The following CREM variants were observed in gnomAD, a reference collection of about 807,000 sequenced individuals.
CREM encodes cAMP-responsive element modulator.
In CREM, 13 loss-of-function variants were observed where a neutral mutation model predicts 37.3. The ratio of observed to expected loss-of-function variants is 0.35; its 90% CI spans 0.23 to 0.55. The LOEUF is 0.55. Ranked by LOEUF, CREM falls within the 20% of genes least tolerant of loss-of-function variation. CREM has a pLI of 0.88. For missense variants in CREM, 296 were observed against 362.3 expected (o/e 0.82, Z 1.49); for synonymous variants, 124 against 120.2 (o/e 1.03, Z -0.21).
intron 2 of CREM, among the ~76,000 whole-genome samples, chr10:35,145,271 C>G (rs2091943274): frequency 6.6e-6 from 1 of 152,050 alleles, no homozygotes; most frequent in Non-Finnish European, 1.5e-5. Flanking sequence ...CTAATTATCC[C>G]CCTTTCCCTC....
chr10:35,187,091 AAT>A (rs1491165927), intron 5 of CREM, among the ~76,000 whole-genome samples: 10 of 70,138 alleles, frequency 1.4e-4, no homozygotes, highest in African/African-American at 3.0e-4. Context: ...TATAATATAT[AAT>A]ATATATGATA....
intron 3 of CREM, among the ~76,000 whole-genome samples, chr10:35,153,432 GTCATTATACCTAGTTAAGTA>G (rs1191578100): frequency 5.3e-5 from 8 of 152,072 alleles, no homozygotes; most frequent in African/African-American, 1.9e-4. Flanking sequence ...ATAACAAAAT[GTCATTATACCTAGTTAAGTA>G]TAATTAATAT....
At chr10:35,211,180 C>A in intron 7 of CREM, 74 bp from the exon 8 acceptor site, 1 of 1,529,752 alleles carries the variant, frequency 6.5e-7, no homozygotes, top group Non-Finnish European at 8.9e-7. Flanking sequence ...GTTCGGGGGG[C>A]AGAAGTGCAC....
chr10:35,132,222 A>G (rs961631699), intron 1 of CREM, among the ~76,000 whole-genome samples: 4 of 151,810 alleles, frequency 2.6e-5, no homozygotes, highest in African/African-American at 4.8e-5. Flanking sequence ...AAAAAAGAAA[A>G]AAAAATTGGT....
intron 5 of CREM, among the ~76,000 whole-genome samples, chr10:35,187,419 C>G (rs2094697104): frequency 6.7e-6 from 1 of 149,560 alleles, no homozygotes; most frequent in Non-Finnish European, 1.5e-5. Flanking sequence ...GCCACCACAC[C>G]TGGCTAATTT....
intron 2 of CREM, among the ~76,000 whole-genome samples, chr10:35,144,549 T>C (rs2091841521): frequency 6.6e-6 from 1 of 152,018 alleles, no homozygotes; most frequent in African/African-American, 2.4e-5. Flanking sequence ...TCTGTAGTAT[T>C]GACAAAGGGA....
At chr10:35,211,132 C>CT (rs1164511811) in intron 7 of CREM, 122 bp from the exon 8 acceptor site, 9 of 981,862 alleles carry the variant, frequency 9.2e-6, no homozygotes, top group African/African-American at 1.6e-5. Context: ...TGTTATGTGG[C>CT]TTTGTACAGT....
At chr10:35,144,962 C>T (rs367574126) in intron 2 of CREM, among the ~76,000 whole-genome samples, 2 of 151,656 alleles carry the variant, frequency 1.3e-5, no homozygotes, top group East Asian at 1.9e-4. Flanking sequence ...GAGTTGGAGA[C>T]CAGCCTGGCC....
At chr10:35,150,359 A>T (rs772698437) in intron 3 of CREM, among the ~76,000 whole-genome samples, 1 of 150,810 alleles carries the variant, frequency 6.6e-6, no homozygotes, top group African/African-American at 2.4e-5. Context: ...TTCTGACTCT[A>T]CTTCCTTCTA....
In CREM at chr10:35,201,573, T is replaced by C. The variant is rs866995472; in HGVS notation, c.599-5322T>C. ...TGTTTAAAGCTTGCAAAGAGAGATA[T>C]GTAGTTAATGACCAAAATTGAGAGT... On this transcript the variant is annotated intron_variant, in intron 6 of 7. Transcript: ENST00000685392. 1.7e-5 allele frequency: 26 copies of C among 1,503,166 alleles called. No homozygotes were observed. In the Middle Eastern group the frequency reaches 1.8e-3, roughly 102 times the overall value. 93.1% of individuals were successfully genotyped at this position (1,503,166 alleles called of 1,614,324 possible). A position where few individuals can be genotyped will look rare whatever the true frequency, so the allele number is the denominator to read the frequency against.
At chr10:35,193,015 A>T (rs1195692998) in intron 6 of CREM, among the ~76,000 whole-genome samples, 3 of 152,010 alleles carry the variant, frequency 2.0e-5, no homozygotes. Flanking sequence ...CTTCACACAT[A>T]CCGATTGCCT....
chr10:35,173,075 G>A lies in CREM; in HGVS notation c.169-5814G>A, dbSNP rs559721600. On this transcript the variant is annotated intron_variant, in intron 3 of 7. Transcript: ENST00000685392. ...ATACTGTGTCATGAAATGTGTCCAC[G>A]TTTGGAAGATCTCCTGAACTCAGTG... is the stretch of plus-strand genomic sequence containing the variant. 4.6e-5 allele frequency among the ~76,000 whole-genome samples: 7 copies of A among 152,278 alleles called. No individual in the cohort carries two copies. The South Asian group carries it at 1.2e-3, about 27-fold the overall frequency.
chr10:35,158,027 A>T (rs186540967), intron 3 of CREM, among the ~76,000 whole-genome samples: 1 of 152,344 alleles, frequency 6.6e-6, no homozygotes, highest in East Asian at 1.9e-4. Flanking sequence ...AATTTAAGCA[A>T]GGAGGTGAAA....
At chr10:35,149,938 A>C (rs190283167) in intron 3 of CREM, among the ~76,000 whole-genome samples, 57 of 145,514 alleles carry the variant, frequency 3.9e-4, no homozygotes, top group Admixed American at 2.4e-3. Flanking sequence ...ACACACACAC[A>C]CCCTTGTTAA....
Position 35,164,339 on chromosome 10 carries a change from T to C in CREM, c.169-14550T>C, listed in dbSNP as rs2093435061. On this transcript the variant is annotated intron_variant, in intron 3 of 7. Coordinates refer to ENST00000685392, the MANE Select transcript of CREM (RefSeq NM_183011.2). Reference sequence around the variant, plus strand: ...GGCTTTAAGATGAAATGGCTTATGCTGGTTTTAAAATATATTGTATTCGGA... The same window carrying C: ...GGCTTTAAGATGAAATGGCTTATGCCGGTTTTAAAATATATTGTATTCGGA... Among the ~76,000 whole-genome samples, 5 of 152,256 alleles carry C rather than the reference T, an allele frequency of 3.3e-5. No homozygotes were observed. The South Asian group carries it at 1.0e-3, about 31-fold the overall frequency.
intron 2 of CREM, among the ~76,000 whole-genome samples, chr10:35,142,009 C>CA (rs1002206763): frequency 2.4e-4 from 36 of 152,244 alleles, no homozygotes; most frequent in African/African-American, 7.9e-4. Context: ...GATTTAGTGA[C>CA]AGAGATTAGT....
In CREM at chr10:35,183,258, T is replaced by C. The variant is rs184117094; in HGVS notation, c.409+3982T>C. On this transcript the variant is annotated intron_variant, in intron 5 of 7. Coordinates refer to ENST00000685392, the MANE Select transcript of CREM (RefSeq NM_183011.2). Reference sequence around the variant, plus strand: ...TGGGTCAATCTAAACTGCACCATTATGAAAAGAAAAATATGAACTTTGTGG... The same window carrying C: ...TGGGTCAATCTAAACTGCACCATTACGAAAAGAAAAATATGAACTTTGTGG... 1.1e-4 allele frequency among the ~76,000 whole-genome samples: 16 copies of C among 152,232 alleles called. No individual in the cohort carries two copies. The East Asian group carries it at 3.1e-3, about 29-fold the overall frequency.
intron 1 of CREM, among the ~76,000 whole-genome samples, chr10:35,130,858 C>T (rs2089233528): frequency 1.3e-5 from 2 of 152,152 alleles, no homozygotes; most frequent in Admixed American, 6.5e-5. Flanking sequence ...AATGTATCCC[C>T]ATTATTAAGT....
At chr10:35,206,161 T>TCGGGA (rs1398409489) in intron 6 of CREM, among the ~76,000 whole-genome samples, 1 of 151,160 alleles carries the variant, frequency 6.6e-6, no homozygotes, top group East Asian at 1.9e-4. Flanking sequence ...GGCAGGAGAA[T>TCGGGA]GGCATGAACC....
Sources: allele counts gnomAD v4.1 joint callset (sites outside exome capture counted in the v4.1 genomes callset), GRCh38; gene constraint gnomAD v4.1.1; transcripts MANE v1.5; gene names NCBI Gene and HGNC (gene_info 2026-07-23, HGNC 2026-07-21).